WWC2: variants seen among roughly 807,000 people sequenced by gnomAD.
WWC2 encodes the protein protein WWC2.
In WWC2, 101 loss-of-function variants were observed where a neutral mutation model predicts 138.5. The ratio of observed to expected loss-of-function variants is 0.73; its 90% CI spans 0.62 to 0.86. The LOEUF (loss-of-function observed/expected upper bound fraction) is 0.86, where lower values mean the gene tolerates loss of function less well. WWC2 is among the 40% of genes least tolerant of loss of function. The pLI, the probability that WWC2 is intolerant of heterozygous loss-of-function variation, is 0.00. For missense variants in WWC2, 1,420 were observed against 1,419.4 expected, an observed-to-expected ratio of 1.00 and a Z score of -0.01; for synonymous variants, 558 against 538.4, an observed-to-expected ratio of 1.04 and a Z score of -0.50.
intron 1 of WWC2, among the ~76,000 whole-genome samples, chr4:183,114,266 C>T (rs938476928): frequency 6.6e-6 from 1 of 152,154 alleles, no homozygotes; most frequent in Admixed American, 6.5e-5. Context: ...TTGTAAGCTT[C>T]CTGAAGCTCT....
chr4:183,305,934 G>A (rs1421508971), intron 21 of WWC2, among the ~76,000 whole-genome samples: 1 of 152,180 alleles, frequency 6.6e-6, no homozygotes, highest in Admixed American at 6.5e-5. Flanking sequence ...ACATACACGT[G>A]TGTGTATGCT....
intron 9 of WWC2, among the ~76,000 whole-genome samples, chr4:183,254,598 C>G (rs1737081487): frequency 6.6e-6 from 1 of 152,174 alleles, no homozygotes; most frequent in Non-Finnish European, 1.5e-5. Flanking sequence ...CAAAACAGAT[C>G]AGCTGGAATG....
chr4:183,267,033 C>CT (rs879666630), intron 14 of WWC2, among the ~76,000 whole-genome samples: 312 of 142,352 alleles, frequency 2.2e-3, no homozygotes, highest in East Asian at 3.1e-3. Flanking sequence ...TAGTGGCTTT[C>CT]TTTTTTTTTT....
intron 3 of WWC2, among the ~76,000 whole-genome samples, chr4:183,208,692 G>T (rs1735510624): frequency 1.3e-5 from 2 of 152,104 alleles, no homozygotes; most frequent in Non-Finnish European, 2.9e-5. Context: ...GTCCTCTGAG[G>T]ACATAGTGTG....
At chr4:183,145,022 C>G (rs1733411527) in intron 1 of WWC2, among the ~76,000 whole-genome samples, 1 of 152,180 alleles carries the variant, frequency 6.6e-6, no homozygotes, top group African/African-American at 2.4e-5. Context: ...CATAGAATTC[C>G]CGGTGCTTCT....
chr4:183,218,728 G>A (rs933466592), intron 4 of WWC2, among the ~76,000 whole-genome samples: 2 of 152,194 alleles, frequency 1.3e-5, no homozygotes, highest in African/African-American at 4.8e-5. Flanking sequence ...AAAGCTGGCA[G>A]TGCAGATGAA....
At chr4:183,135,606 C>T (rs1650570759) in intron 1 of WWC2, among the ~76,000 whole-genome samples, 1 of 151,872 alleles carries the variant, frequency 6.6e-6, no homozygotes, top group African/African-American at 2.4e-5. Context: ...GACAAAAGAG[C>T]ATTAATGTTT....
At chr4:183,170,921 C>G (rs558663295) in intron 1 of WWC2, among the ~76,000 whole-genome samples, 137 of 151,944 alleles carry the variant, frequency 9.0e-4, no homozygotes, top group Non-Finnish European at 1.7e-3. Context: ...TTCAAGTGAT[C>G]CTCCTGCCTC....
intron 4 of WWC2, among the ~76,000 whole-genome samples, chr4:183,210,249 A>G (rs1015429319): frequency 2.6e-5 from 4 of 152,186 alleles, no homozygotes; most frequent in African/African-American, 9.7e-5. Context: ...GATAGAGAAT[A>G]AAACAGTGGT....
chr4:183,215,193 A>G (rs1735720931), intron 4 of WWC2, among the ~76,000 whole-genome samples: 1 of 152,242 alleles, frequency 6.6e-6, no homozygotes. Context: ...GACTAATAAT[A>G]AATTGAACAG....
intron 7 of WWC2, among the ~76,000 whole-genome samples, chr4:183,249,073 T>A (rs1736890008): frequency 6.6e-6 from 1 of 152,114 alleles, no homozygotes; most frequent in Non-Finnish European, 1.5e-5. Flanking sequence ...TATGAGTAGC[T>A]TTGTTCAAAC....
chr4:183,204,081 G>A (rs955945579), intron 2 of WWC2, among the ~76,000 whole-genome samples: 1 of 152,186 alleles, frequency 6.6e-6, no homozygotes, highest in Admixed American at 6.5e-5. Flanking sequence ...AAGAAAGAAA[G>A]TGGAGGGAAA....
chr4:183,233,310 C>A (rs1314130440), intron 4 of WWC2, among the ~76,000 whole-genome samples: 1 of 151,640 alleles, frequency 6.6e-6, no homozygotes, highest in Admixed American at 6.6e-5. Flanking sequence ...CACCTGCCAC[C>A]ACACCCGGCT....
chr4:183,146,491 A>G (rs763260271), intron 1 of WWC2, among the ~76,000 whole-genome samples: 2 of 152,206 alleles, frequency 1.3e-5, no homozygotes, highest in Non-Finnish European at 2.9e-5. Context: ...TGACAATGAG[A>G]TGTATGAAAT....
At chr4:183,147,681 C>T (rs551606950) in intron 1 of WWC2, among the ~76,000 whole-genome samples, 1 of 152,184 alleles carries the variant, frequency 6.6e-6, no homozygotes, top group Non-Finnish European at 1.5e-5. Flanking sequence ...ACAGAACTTT[C>T]TGGCCTTTTT....
chr4:183,214,421 A>G (rs1025224318), intron 4 of WWC2, among the ~76,000 whole-genome samples: 4 of 152,216 alleles, frequency 2.6e-5, no homozygotes, highest in Admixed American at 6.5e-5. Flanking sequence ...GAGTAAAGTA[A>G]TAATGTGCAC....
intron 1 of WWC2, among the ~76,000 whole-genome samples, chr4:183,185,945 A>ATTTT (rs546555995): frequency 2.3e-5 from 3 of 131,244 alleles, no homozygotes; most frequent in African/African-American, 2.8e-5. Flanking sequence ...TTTAACATAG[A>ATTTT]TTTTTTTTTT....
chr4:183,224,261 C>T (rs1435193947), intron 4 of WWC2, among the ~76,000 whole-genome samples: 1 of 151,976 alleles, frequency 6.6e-6, no homozygotes, highest in Non-Finnish European at 1.5e-5. Flanking sequence ...CTGTATATAT[C>T]CATCATGAAG....
At chr4:183,116,054 T>TA (rs1732400054) in intron 1 of WWC2, among the ~76,000 whole-genome samples, 1 of 152,196 alleles carries the variant, frequency 6.6e-6, no homozygotes. Flanking sequence ...GTCTTCTGCA[T>TA]ATGACTGGCC....
Sources: gnomAD v4.1 joint callset for allele counts (sites outside exome capture counted in the v4.1 genomes callset) on GRCh38, gnomAD v4.1.1 for gene constraint, MANE v1.5 for transcripts, NCBI Gene and HGNC (gene_info 2026-07-23, HGNC 2026-07-21) for gene names.